Variants in SLA2 observed in about 807,000 individuals in gnomAD.
SLA2 encodes Src like adaptor 2.
SLA2 carries 22 observed loss-of-function variants against 27.3 expected under a neutral mutation model. The observed-to-expected ratio is 0.81, with a 90% CI of 0.58 to 1.15. The LOEUF is 1.15. SLA2 is among the 50% of genes most tolerant of loss of function. The pLI is 0.00. For missense variants in SLA2, 304 were observed against 322.2 expected, an observed-to-expected ratio of 0.94 and a Z score of 0.43; for synonymous variants, 131 against 137.8, an observed-to-expected ratio of 0.95 and a Z score of 0.34.
Position 36,613,781 on chromosome 20 carries a change from CAG to C in SLA2, c.*83_*84del. On this transcript the variant is annotated 3_prime_UTR_variant, in exon 8 of 8. Coordinates refer to ENST00000262866, the MANE Select transcript of SLA2 (RefSeq NM_032214.4). ...GTCCCACCCTCCCTCCCTGAGTGCA[CAG>C]CCTTGCCTCTGGGGTGCCCAGGAGG... The C allele has an allele frequency of 1.1e-6, 1 of 898,414 alleles. No homozygotes were observed. The highest frequency in any genetic ancestry group is 1.6e-6 in the Non-Finnish European group (1 of 628,236). 55.7% of individuals were successfully genotyped at this position (898,414 alleles called of 1,614,324 possible).
intron 1 of SLA2, among the ~76,000 whole-genome samples, chr20:36,643,260 T>A (rs1978285079): frequency 6.6e-6 from 1 of 152,194 alleles, no homozygotes; most frequent in Admixed American, 6.5e-5. Flanking sequence ...CCAAACACTA[T>A]TTTAAAGTGT....
intron 5 of SLA2, among the ~76,000 whole-genome samples, chr20:36,629,035 C>G (rs1159364083): frequency 6.6e-6 from 1 of 151,808 alleles, no homozygotes; most frequent in African/African-American, 2.4e-5. Context: ...CTATGGGGAC[C>G]TGGAGACCTT....
rs41283254 is a variant in SLA2 at position 36,641,511 on chromosome 20, C to T, written c.-43-133G>A. The T allele has an allele frequency of 1.4e-3, 770 of 550,748 alleles. 1 individual carries two copies. The highest frequency in any genetic ancestry group is 1.0e-3 in the Non-Finnish European group (304 of 302,394). The allele number at this position is 550,748 out of a possible 1,614,324, so 34.1% of individuals were successfully genotyped here. The stretch of plus-strand genomic sequence containing the variant: ...GACCTCCCTCCTGTGGGACCAGGCT[C>T]CAGCCTCTCTGCCAGCCTCTGAAGG... On this transcript the variant is annotated intron_variant, in intron 1 of 7. Transcript: ENST00000262866.
intron 5 of SLA2, among the ~76,000 whole-genome samples, chr20:36,617,805 C>G (rs1469586923): frequency 1.3e-5 from 2 of 149,758 alleles, no homozygotes; most frequent in East Asian, 3.9e-4. Flanking sequence ...TGCAGTGAGC[C>G]GAGATCAGCC....
At chr20:36,634,012 A>T (rs997115717) in intron 3 of SLA2, among the ~76,000 whole-genome samples, 7 of 151,604 alleles carry the variant, frequency 4.6e-5, no homozygotes, top group Admixed American at 2.0e-4. Flanking sequence ...TTTTTGAGAC[A>T]GAGTTTTGCT....
At chr20:36,614,055 T>A (rs1178298795) in intron 7 of SLA2, 69 bp from the exon 8 acceptor site, 1 of 1,592,710 alleles carries the variant, frequency 6.3e-7, no homozygotes, top group Admixed American at 1.7e-5. Flanking sequence ...ACACACAAAA[T>A]TGCACTGTTC....
At position 36,637,766 on chromosome 20, in the gene SLA2, A is replaced by C. The variant is rs1600832021; in HGVS notation, c.92-3177T>G. ...CTCAGCCTCCTGAGTAGCTGGGATTACAGGCACATACCACTATGCCTGGCT... is the reference window on the plus strand; with the variant it reads ...CTCAGCCTCCTGAGTAGCTGGGATTCCAGGCACATACCACTATGCCTGGCT... On this transcript the variant is annotated intron_variant, in intron 2 of 7. Transcript: ENST00000262866. Among the ~76,000 whole-genome samples the C allele has an allele frequency of 3.3e-5, 5 of 149,938 alleles. No homozygotes were observed. The South Asian group carries it at 1.1e-3, about 32-fold the overall frequency.
At position 36,632,440 on chromosome 20, in the gene SLA2, T is replaced by C. The variant is rs1395102750; in HGVS notation, c.382+155A>G. The stretch of plus-strand genomic sequence containing the variant: ...CAGCCTGGGCTCCACATGGTTCATA[T>C]GGGCAGGACACGGAGCTGGGGCTCA... On this transcript the variant is annotated intron_variant, in intron 5 of 7. Coordinates refer to ENST00000262866, the MANE Select transcript of SLA2 (RefSeq NM_032214.4). Among the ~76,000 whole-genome samples, 3 of 152,306 alleles carry C rather than the reference T, an allele frequency of 2.0e-5. No individual in the cohort carries two copies. The East Asian group carries it at 5.8e-4, about 29-fold the overall frequency.
intron 6 of SLA2, 194 bp downstream of exon 6, chr20:36,615,031 T>A: frequency 1.0e-6 from 1 of 985,378 alleles, no homozygotes; most frequent in Non-Finnish European, 1.2e-6. Context: ...TCTGTGGCTT[T>A]TCTGCCAGGG....
At chr20:36,636,427 C>CAAAAAAAAAAAAAAA (rs71186007) in intron 2 of SLA2, among the ~76,000 whole-genome samples, 7 of 61,424 alleles carry the variant, frequency 1.1e-4, no homozygotes, top group African/African-American at 4.2e-4. Flanking sequence ...GACTCCGTCT[C>CAAAAAAAAAAAAAAA]AAAAAAAAAA....
At chr20:36,617,851 G>C (rs567252641) in intron 5 of SLA2, among the ~76,000 whole-genome samples, 1 of 147,546 alleles carries the variant, frequency 6.8e-6, no homozygotes, top group African/African-American at 2.5e-5. Flanking sequence ...GTGAGACTCC[G>C]TCTCAAAAAA....
At chr20:36,614,981 G>C in intron 6 of SLA2, 11 of 985,326 alleles carry the variant, frequency 1.1e-5, no homozygotes, top group Non-Finnish European at 1.3e-5. Flanking sequence ...GTCAGAACCA[G>C]AGTGGTAGGC....
intron 2 of SLA2, 40 bp downstream of exon 2, chr20:36,641,205 G>A: frequency 6.5e-7 from 1 of 1,541,456 alleles, no homozygotes; most frequent in Non-Finnish European, 9.0e-7. Flanking sequence ...GTCTAGTACT[G>A]TGTGGGAAGA....
intron 2 of SLA2, among the ~76,000 whole-genome samples, chr20:36,636,623 A>AATATATATATATAT (rs57962999): frequency 8.7e-6 from 1 of 114,712 alleles, no homozygotes; most frequent in African/African-American, 4.0e-5. Context: ...AAAAAAAAAA[A>AATATATATATATAT]ATATATATAT....
intron 6 of SLA2, 41 bp from the exon 7 acceptor site, chr20:36,614,478 C>A: frequency 6.4e-7 from 1 of 1,557,736 alleles, no homozygotes; most frequent in Non-Finnish European, 8.7e-7. Context: ...CTGACTCCAC[C>A]CTACTTCTCC....
chr20:36,637,398 C>T (rs1280841776), intron 2 of SLA2, among the ~76,000 whole-genome samples: 4 of 150,734 alleles, frequency 2.7e-5, no homozygotes, highest in Non-Finnish European at 5.9e-5. Context: ...GATTTCACCA[C>T]GTTGGTCAGG....
intron 2 of SLA2, among the ~76,000 whole-genome samples, chr20:36,640,320 A>C (rs551496479): frequency 6.6e-6 from 1 of 152,138 alleles, no homozygotes; most frequent in Non-Finnish European, 1.5e-5. Flanking sequence ...ATATACCACA[A>C]AAATAAAAAG....
chr20:36,614,309 C>T lies in SLA2; in HGVS notation c.661G>A (p.Asp221Asn), dbSNP rs1600813442. 6.2e-7 allele frequency: 1 copy of T among 1,614,176 alleles called. No homozygotes were observed. Among genetic ancestry groups the T allele is most frequent in the Non-Finnish European group, 8.5e-7 (1 of 1,180,030 alleles). ...QRTPLNWKEL[D>N]SSLLFSEAAT... is the part of the protein sequence containing the mutation. Reference sequence around the variant, plus strand: ...TCCAGGAGTCCCCAACTTTACCTGTCCAGCTCTTTCCAGTTGAGTGGTGTC... The same window carrying T: ...TCCAGGAGTCCCCAACTTTACCTGTTCAGCTCTTTCCAGTTGAGTGGTGTC... The change falls in exon 7 of 8, where the codon GAC (aspartate) becomes AAC (asparagine). Residue 221 changes from aspartate (D) to asparagine (N), a missense_variant. By Grantham distance (23) the Asp-to-Asn change is conservative (BLOSUM62 1). Coordinates refer to ENST00000262866, the MANE Select transcript of SLA2 (RefSeq NM_032214.4).
intron 5 of SLA2, chr20:36,620,421 T>C (rs1008086327): frequency 6.7e-5 from 14 of 209,134 alleles, no homozygotes; most frequent in Admixed American, 4.7e-4. Context: ...TACAGAAGAA[T>C]ATAATTTGAG....
Sources: allele counts gnomAD v4.1 joint callset (sites outside exome capture counted in the v4.1 genomes callset), GRCh38; gene constraint gnomAD v4.1.1; transcripts MANE v1.5; gene names NCBI Gene and HGNC (gene_info 2026-07-23, HGNC 2026-07-21).